FARSB: variants seen among roughly 807,000 people sequenced by gnomAD.
FARSB encodes phenylalanine--tRNA ligase beta subunit.
A neutral mutation model predicts 69.6 loss-of-function variants in FARSB; 40 were observed. The ratio of observed to expected loss-of-function variants is 0.57; its 90% CI spans 0.45 to 0.75. The LOEUF (loss-of-function observed/expected upper bound fraction) is 0.75, where lower values mean the gene tolerates loss of function less well. FARSB is among the 30% of genes least tolerant of loss of function. FARSB has a pLI of 0.00. For synonymous variants in FARSB, 235 were observed against 247.2 expected (o/e 0.95, Z 0.46); for missense variants, 632 against 722.9 (o/e 0.87, Z 1.44).
At chr2:222,590,626 A>T (rs1392927050) in intron 16 of FARSB, among the ~76,000 whole-genome samples, 1 of 150,532 alleles carries the variant, frequency 6.6e-6, no homozygotes, top group Non-Finnish European at 1.5e-5. Flanking sequence ...TTCAGAAATT[A>T]TTGTTAATTT....
chr2:222,620,979 G>A (rs1467590167), intron 13 of FARSB, among the ~76,000 whole-genome samples: 1 of 152,206 alleles, frequency 6.6e-6, no homozygotes, highest in African/African-American at 2.4e-5. Flanking sequence ...ATCTGCTACA[G>A]CTGCTGAGAT....
At chr2:222,606,704 C>T (rs556409929) in intron 15 of FARSB, among the ~76,000 whole-genome samples, 1 of 152,306 alleles carries the variant, frequency 6.6e-6, no homozygotes, top group African/African-American at 2.4e-5. Context: ...ATGACTATTA[C>T]ATATAACTCA....
chr2:222,651,884 A>T (rs1692046567), intron 1 of FARSB, among the ~76,000 whole-genome samples: 1 of 152,238 alleles, frequency 6.6e-6, no homozygotes, highest in African/African-American at 2.4e-5. Context: ...GGGATCACTC[A>T]GAGGGGTGGA....
At chr2:222,595,129 A>G (rs1270846291) in intron 16 of FARSB, among the ~76,000 whole-genome samples, 1 of 152,202 alleles carries the variant, frequency 6.6e-6, no homozygotes, top group African/African-American at 2.4e-5. Context: ...AAAAACTTCC[A>G]ATTTTTTTCA....
intron 5 of FARSB, among the ~76,000 whole-genome samples, chr2:222,637,660 T>A (rs1691618848): frequency 1.3e-5 from 2 of 151,854 alleles, no homozygotes. Context: ...GAGGAAAAAA[T>A]AAGAGAAGAA....
chr2:222,652,503 C>T (rs544176537), intron 1 of FARSB, among the ~76,000 whole-genome samples: 11 of 152,322 alleles, frequency 7.2e-5, no homozygotes, highest in South Asian at 2.1e-4. Context: ...CTATCCTCGG[C>T]ACTCTCTTAC....
intron 16 of FARSB, among the ~76,000 whole-genome samples, chr2:222,593,729 G>A (rs1370925168): frequency 6.6e-6 from 1 of 151,802 alleles, no homozygotes; most frequent in Non-Finnish European, 1.5e-5. Flanking sequence ...AAATTAGCCA[G>A]GCATGGTGGT....
chr2:222,648,018 G>A (rs1159733676), intron 2 of FARSB, among the ~76,000 whole-genome samples: 1 of 152,120 alleles, frequency 6.6e-6, no homozygotes. Flanking sequence ...ACTGTACTTT[G>A]TGAACTTATG....
intron 8 of FARSB, among the ~76,000 whole-genome samples, chr2:222,630,899 A>G (rs1443030923): frequency 2.6e-5 from 4 of 152,176 alleles, no homozygotes; most frequent in East Asian, 3.8e-4. Flanking sequence ...ATACCTTACA[A>G]TGGTCTCTAA....
intron 15 of FARSB, among the ~76,000 whole-genome samples, chr2:222,613,507 T>C (rs1690910329): frequency 6.6e-6 from 1 of 152,174 alleles, no homozygotes; most frequent in African/African-American, 2.4e-5. Context: ...ATCAGGCCAC[T>C]GCACTCCAGC....
chr2:222,628,261 G>A (rs999960024), intron 10 of FARSB, among the ~76,000 whole-genome samples: 3 of 151,988 alleles, frequency 2.0e-5, no homozygotes, highest in Non-Finnish European at 2.9e-5. Context: ...AATAATTAAC[G>A]ACAATTTATT....
chr2:222,630,401 C>T (rs1405722530), intron 8 of FARSB, among the ~76,000 whole-genome samples: 1 of 152,158 alleles, frequency 6.6e-6, no homozygotes, highest in Non-Finnish European at 1.5e-5. Context: ...TGAGACAAAT[C>T]GTTTCGTTCC....
intron 16 of FARSB, among the ~76,000 whole-genome samples, chr2:222,572,749 T>A (rs1689747771): frequency 6.6e-6 from 1 of 152,212 alleles, no homozygotes; most frequent in Non-Finnish European, 1.5e-5. Flanking sequence ...TGGGTGCCAA[T>A]GCACTGATAC....
At chr2:222,642,360 T>G (rs962913163) in intron 3 of FARSB, among the ~76,000 whole-genome samples, 1 of 152,208 alleles carries the variant, frequency 6.6e-6, no homozygotes, top group Non-Finnish European at 1.5e-5. Context: ...TCATTATAGA[T>G]TAGGAAATTG....
chr2:222,590,598 C>T (rs1056871151), intron 16 of FARSB, among the ~76,000 whole-genome samples: 3 of 143,768 alleles, frequency 2.1e-5, no homozygotes, highest in Admixed American at 7.0e-5. Context: ...TGACTGGATA[C>T]TTGGATACTT....
chr2:222,651,074 A>G (rs1196930649), intron 1 of FARSB, among the ~76,000 whole-genome samples: 2 of 152,232 alleles, frequency 1.3e-5, no homozygotes, highest in African/African-American at 4.8e-5. Flanking sequence ...AGGCGTGTAA[A>G]TGAAAACCTC....
intron 16 of FARSB, among the ~76,000 whole-genome samples, chr2:222,579,476 T>C (rs758724053): frequency 9.2e-5 from 14 of 152,214 alleles, no homozygotes; most frequent in Non-Finnish European, 1.6e-4. Flanking sequence ...AAATCCCATA[T>C]AACACAGGTA....
intron 7 of FARSB, among the ~76,000 whole-genome samples, chr2:222,632,216 GAATAAA>G (rs1399692690): frequency 6.6e-6 from 1 of 152,162 alleles, no homozygotes; most frequent in Admixed American, 6.5e-5. Flanking sequence ...GCAAGTTGAA[GAATAAA>G]AATAAAATAA....
intron 1 of FARSB, among the ~76,000 whole-genome samples, chr2:222,651,489 A>G (rs1371251504): frequency 6.6e-6 from 1 of 152,252 alleles, no homozygotes. Context: ...AGATAAAATC[A>G]AGGATATGAC....
Sources: allele counts gnomAD v4.1 joint callset (sites outside exome capture counted in the v4.1 genomes callset), GRCh38; gene constraint gnomAD v4.1.1; transcripts MANE v1.5; gene names NCBI Gene and HGNC (gene_info 2026-07-23, HGNC 2026-07-21).